DISP1: variants seen among roughly 807,000 people sequenced by gnomAD.
The protein encoded by DISP1 is dispatched RND transporter family member 1.
A neutral mutation model predicts 37.3 loss-of-function variants in DISP1; 30 were observed. The ratio of observed to expected loss-of-function variants is 0.80; its 90% CI spans 0.60 to 1.09. The LOEUF (loss-of-function observed/expected upper bound fraction) is 1.09. DISP1 is among the 50% of genes least tolerant of loss of function. DISP1 has a pLI of 0.00. For missense variants in DISP1, 1,598 were observed against 1,879.5 expected (o/e 0.85, Z 2.77); for synonymous variants, 634 against 690.2 (o/e 0.92, Z 1.28).
intron 8 of DISP1, 60 bp downstream of exon 8, chr1:222,995,042 C>A (rs767785638): frequency 7.6e-7 from 1 of 1,323,876 alleles, no homozygotes; most frequent in Non-Finnish European, 1.1e-6. Flanking sequence ...ATTGAAACTC[C>A]TTTTACTGCT....
chr1:222,855,719 T>C (rs1668511157), intron 1 of DISP1, among the ~76,000 whole-genome samples: 1 of 152,218 alleles, frequency 6.6e-6, no homozygotes, highest in African/African-American at 2.4e-5. Context: ...TTCCCTTCTC[T>C]TTATTTTAAA....
At chr1:222,988,413 A>G (rs1481491964) in intron 4 of DISP1, among the ~76,000 whole-genome samples, 1 of 152,182 alleles carries the variant, frequency 6.6e-6, no homozygotes, top group Non-Finnish European at 1.5e-5. Flanking sequence ...TAGTTTTGTG[A>G]CATTGAATAA....
At chr1:222,947,340 A>C (rs114595837) in intron 3 of DISP1, among the ~76,000 whole-genome samples, 2,004 of 152,174 alleles carry the variant, frequency 0.013, 41 homozygotes, top group African/African-American at 0.046. Flanking sequence ...CATGTGTCAT[A>C]ATTTCCTTTC....
chr1:222,927,719 T>C (rs1228468117), intron 1 of DISP1, among the ~76,000 whole-genome samples: 2 of 152,224 alleles, frequency 1.3e-5, no homozygotes, highest in African/African-American at 2.4e-5. Flanking sequence ...CTAAGGGATG[T>C]CATTTGTAAA....
intron 1 of DISP1, among the ~76,000 whole-genome samples, chr1:222,911,352 T>C (rs72742238): frequency 0.17 from 26,144 of 152,104 alleles, 2,362 homozygotes; most frequent in Admixed American, 0.24. Flanking sequence ...ACAAAGGGTA[T>C]CTTTGCACCA....
At chr1:222,892,301 A>G (rs1670985214) in intron 1 of DISP1, among the ~76,000 whole-genome samples, 1 of 152,220 alleles carries the variant, frequency 6.6e-6, no homozygotes, top group Non-Finnish European at 1.5e-5. Context: ...CTGGAGAGGA[A>G]CACAGGACAG....
chr1:222,822,018 A>G lies in DISP1; in HGVS notation c.-159+6940A>G, dbSNP rs577661601. ...TAAGTTTCCTGGGGTCTCCCCTGCC[A>G]TGCAGAACTGTGAGTCAATTAAACC... On this transcript the variant is annotated intron_variant, in intron 1 of 8. Transcript: ENST00000675850. Among the ~76,000 whole-genome samples, 3 of 152,174 alleles carry G rather than the reference A, an allele frequency of 2.0e-5. No homozygotes were observed. In the East Asian group the frequency reaches 5.8e-4, roughly 29 times the overall value.
chr1:222,842,037 T>C (rs1191102119), intron 1 of DISP1, among the ~76,000 whole-genome samples: 1 of 152,134 alleles, frequency 6.6e-6, no homozygotes, highest in African/African-American at 2.4e-5. Flanking sequence ...ACTATTTTGG[T>C]ACCTGAGGAA....
chr1:222,877,521 A>G (rs1047335081), intron 1 of DISP1, among the ~76,000 whole-genome samples: 9 of 152,338 alleles, frequency 5.9e-5, no homozygotes, highest in African/African-American at 2.2e-4. Context: ...ATGGGAGTAC[A>G]ATTCAAGATG....
In DISP1 at chr1:222,867,807, T is replaced by A. The variant is rs913508941; in HGVS notation, c.-159+52729T>A. On this transcript the variant is annotated intron_variant, in intron 1 of 8. Coordinates refer to ENST00000675850, the MANE Select transcript of DISP1 (RefSeq NM_001377229.1). Reference sequence around the variant, plus strand: ...GTCAATGTCTTGGTATAGATTTATATAGGCAATGATCTATATTAAAATTTA... The same window carrying A: ...GTCAATGTCTTGGTATAGATTTATAAAGGCAATGATCTATATTAAAATTTA... Among the ~76,000 whole-genome samples, 5 of 152,206 alleles carry A rather than the reference T, an allele frequency of 3.3e-5. No individual in the cohort carries two copies. The South Asian group carries it at 1.0e-3, about 31-fold the overall frequency.
chr1:222,989,119 AG>A (rs1449713578), intron 4 of DISP1, among the ~76,000 whole-genome samples: 1 of 152,262 alleles, frequency 6.6e-6, no homozygotes, highest in African/African-American at 2.4e-5. Flanking sequence ...AAAAATTGGC[AG>A]TCTATTATTA....
chr1:222,950,687 A>C (rs1309417467), intron 3 of DISP1, among the ~76,000 whole-genome samples: 7 of 152,086 alleles, frequency 4.6e-5, no homozygotes, highest in Non-Finnish European at 7.3e-5. Flanking sequence ...CTACGTCCTG[A>C]ACAGTCCATT....
chr1:222,893,942 T>A lies in DISP1; in HGVS notation c.-158-34488T>A, dbSNP rs1210033516. Among the ~76,000 whole-genome samples the A allele has an allele frequency of 6.6e-6, 1 of 152,128 alleles. No homozygotes were observed. Among genetic ancestry groups the A allele is most frequent in the East Asian group, 1.9e-4 (1 of 5,190 alleles). ...GTGAGCAAGGTGGAGAGGAGCTTCA[T>A]TGAGTGGCAGAACAGTTCTCAGGAG... is the stretch of plus-strand genomic sequence containing the variant. On this transcript the variant is annotated intron_variant, in intron 1 of 8. Coordinates refer to ENST00000675850, the MANE Select transcript of DISP1 (RefSeq NM_001377229.1). This position sits in a 1 kb window ranked among gnomAD's most constrained non-coding sequence, Gnocchi z 4.3.
At chr1:222,955,418 T>A (rs1017090805) in intron 3 of DISP1, among the ~76,000 whole-genome samples, 2 of 152,146 alleles carry the variant, frequency 1.3e-5, no homozygotes, top group African/African-American at 4.8e-5. Flanking sequence ...AGTCTGCAAC[T>A]TAGGGTTTGA....
intron 3 of DISP1, among the ~76,000 whole-genome samples, chr1:222,961,266 C>T (rs1261620739): frequency 6.6e-6 from 1 of 152,182 alleles, no homozygotes; most frequent in East Asian, 1.9e-4. Flanking sequence ...AAAAGCTTAT[C>T]CGCCATGATC....
intron 3 of DISP1, among the ~76,000 whole-genome samples, chr1:222,981,097 C>T (rs1360161985): frequency 6.6e-6 from 1 of 152,234 alleles, no homozygotes; most frequent in East Asian, 1.9e-4. Context: ...AATGACTTCT[C>T]TTATGCTGTT....
At chr1:222,862,493 GT>G (rs1668934689) in intron 1 of DISP1, among the ~76,000 whole-genome samples, 1 of 146,598 alleles carries the variant, frequency 6.8e-6, no homozygotes, top group African/African-American at 2.5e-5. Context: ...TTCTAATCCA[GT>G]TTGTTTTCAA....
chr1:222,828,903 G>A (rs1258950833), intron 1 of DISP1, among the ~76,000 whole-genome samples: 1 of 152,190 alleles, frequency 6.6e-6, no homozygotes, highest in Admixed American at 6.5e-5. Context: ...TGCATTGCCA[G>A]AAATAAAAGT....
At chr1:222,931,577 G>GT (rs1170506349) in intron 2 of DISP1, among the ~76,000 whole-genome samples, 1 of 151,734 alleles carries the variant, frequency 6.6e-6, no homozygotes, top group African/African-American at 2.4e-5. Flanking sequence ...AAACCATCTT[G>GT]TAATTCTTAT....
Sources: allele counts gnomAD v4.1 joint callset (sites outside exome capture counted in the v4.1 genomes callset), GRCh38; gene constraint gnomAD v4.1.1; non-coding constraint Gnocchi (gnomAD v3.1); transcripts MANE v1.5; gene names NCBI Gene and HGNC (gene_info 2026-07-23, HGNC 2026-07-21).